Variants in C14orf39 observed in about 807,000 individuals in gnomAD.
The protein encoded by C14orf39 is protein SIX6OS1.
C14orf39 carries 66 observed loss-of-function variants against 85.6 expected under a neutral mutation model. The observed-to-expected ratio is 0.77, with a 90% CI of 0.63 to 0.95. C14orf39 has a LOEUF of 0.95. C14orf39 is among the 40% of genes least tolerant of loss of function. The pLI is 0.00. For missense variants in C14orf39, 735 were observed against 663.9 expected, an observed-to-expected ratio of 1.11 and a Z score of -1.18; for synonymous variants, 242 against 214.0, an observed-to-expected ratio of 1.13 and a Z score of -1.14.
rs376679301 is a variant in C14orf39, at chr14:60,483,167, TATG to T, written c.233+521_233+523del. Among the ~76,000 whole-genome samples, 437 of 152,268 alleles carry T rather than the reference TATG, an allele frequency of 2.9e-3. 1 individual carries two copies. The highest frequency in any genetic ancestry group is 0.01 in the African/African-American group (420 of 41,554). On this transcript the variant is annotated intron_variant, in intron 4 of 17. Coordinates refer to ENST00000321731, the MANE Select transcript of C14orf39 (RefSeq NM_174978.3). Reference sequence around the variant, plus strand: ...GAATAACAAAATATTTCAAAACAAATATGATCCTAAAATACAGTACTTACTACA... The same window carrying T: ...GAATAACAAAATATTTCAAAACAAATATCCTAAAATACAGTACTTACTACA...
intron 7 of C14orf39, among the ~76,000 whole-genome samples, chr14:60,470,322 A>G (rs1372748166): frequency 6.6e-6 from 1 of 151,932 alleles, no homozygotes; most frequent in East Asian, 1.9e-4. Flanking sequence ...TGAAAATGAT[A>G]GAATAGTGAC....
chr14:60,513,715 A>G (rs187655228), intron 1 of C14orf39, among the ~76,000 whole-genome samples: 111 of 152,356 alleles, frequency 7.3e-4, no homozygotes, highest in African/African-American at 2.2e-3. Flanking sequence ...CCACCCCTTC[A>G]AATGATACCT....
chr14:60,443,307 A>G (rs1285685109), intron 16 of C14orf39, among the ~76,000 whole-genome samples: 1 of 152,186 alleles, frequency 6.6e-6, no homozygotes, highest in Non-Finnish European at 1.5e-5. Context: ...GAAAAACAGT[A>G]CACTCCCGCC....
chr14:60,469,600 G>A lies in C14orf39; in HGVS notation c.608C>T (p.Thr203Ile). The A allele has an allele frequency of 6.6e-7, 1 of 1,515,298 alleles. No individual in the cohort carries two copies. The highest frequency in any genetic ancestry group is 1.3e-5 in the South Asian group (1 of 74,276). 93.9% of individuals were successfully genotyped at this position (1,515,298 alleles called of 1,614,324 possible). A position where few individuals can be genotyped will look rare whatever the true frequency, so the allele number is the denominator to read the frequency against. ...QDILKHASNLTKSSSELKKEV... is the reference protein window; with the variant it reads ...QDILKHASNLIKSSSELKKEV... ...TTTCTTCAATTCGGATGAACTTTTG[G>A]TAAGATTGCTGGCATGTTTAAGAAT... Residue 203 changes from threonine to isoleucine, a missense_variant, in exon 8 of 18, where the codon ACC becomes ATC. Physicochemically the swap from Thr to Ile is moderately conservative, Grantham distance 89 (BLOSUM62 -1). Transcript: ENST00000321731.
intron 5 of C14orf39, among the ~76,000 whole-genome samples, chr14:60,477,803 T>C (rs1166978482): frequency 6.6e-6 from 1 of 152,058 alleles, no homozygotes; most frequent in Non-Finnish European, 1.5e-5. Flanking sequence ...TCTAAATATA[T>C]CTAGGATTAG....
chr14:60,492,965 C>T (rs897814036), intron 2 of C14orf39, among the ~76,000 whole-genome samples: 9 of 151,986 alleles, frequency 5.9e-5, no homozygotes, highest in Non-Finnish European at 1.3e-4. Context: ...AGAAAACATG[C>T]CTTTCCATGA....
In C14orf39 at chr14:60,467,002, A is replaced by G. The variant is rs760001433; in HGVS notation, c.810T>C (p.Thr270=). The change falls in exon 10 of 18, where the codon ACT becomes ACC. Residue 270 remains threonine (T), a synonymous_variant. Coordinates refer to ENST00000321731, the MANE Select transcript of C14orf39 (RefSeq NM_174978.3). Reference sequence around the variant, plus strand: ...AAGGAAGAAATAATTGACTGCTTTGAGTTTTATTCAATGTAAGTACATGCT... The same window carrying G: ...AAGGAAGAAATAATTGACTGCTTTGGGTTTTATTCAATGTAAGTACATGCT... ...KDEHVLTLNK[T]QSSQLFLPYE... The G allele has an allele frequency of 6.9e-7, 1 of 1,456,592 alleles. No individual in the cohort carries two copies. Among genetic ancestry groups the G allele is most frequent in the East Asian group, 2.6e-5 (1 of 38,830 alleles). The allele number at this position is 1,456,592 out of a possible 1,614,324, so 90.2% of individuals were successfully genotyped here. A position where few individuals can be genotyped will look rare whatever the true frequency, so the allele number is the denominator to read the frequency against.
intron 2 of C14orf39, among the ~76,000 whole-genome samples, chr14:60,492,923 A>AT (rs900243816): frequency 7.9e-5 from 12 of 152,128 alleles, no homozygotes; most frequent in Non-Finnish European, 1.2e-4. Flanking sequence ...CACTAACGAA[A>AT]TTTTTTTTAA....
At chr14:60,478,035 C>T (rs764033798) in intron 5 of C14orf39, among the ~76,000 whole-genome samples, 1 of 151,760 alleles carries the variant, frequency 6.6e-6, no homozygotes, top group African/African-American at 2.4e-5. Context: ...CAAAATTAGC[C>T]GGGTGCGGTG....
chr14:60,465,008 T>C (rs1891718763), intron 11 of C14orf39, among the ~76,000 whole-genome samples: 1 of 152,136 alleles, frequency 6.6e-6, no homozygotes, highest in South Asian at 2.1e-4. Context: ...CTTCTGGTGG[T>C]TACCCTTAAA....
intron 13 of C14orf39, among the ~76,000 whole-genome samples, chr14:60,460,227 A>G (rs1037924201): frequency 2.0e-5 from 3 of 151,870 alleles, no homozygotes; most frequent in African/African-American, 7.2e-5. Flanking sequence ...AACAGCACGT[A>G]GGGCTATGTG....
At chr14:60,441,330 T>C (rs888111008) in intron 17 of C14orf39, among the ~76,000 whole-genome samples, 5 of 152,190 alleles carry the variant, frequency 3.3e-5, no homozygotes, top group African/African-American at 1.2e-4. Flanking sequence ...CAGCCTGACA[T>C]GTTCCTTGGG....
In C14orf39 at chr14:60,464,040, CA is replaced by C. The variant is rs1351339367; in HGVS notation, c.972+1938del. On this transcript the variant is annotated intron_variant, in intron 11 of 17. Coordinates refer to ENST00000321731, the MANE Select transcript of C14orf39 (RefSeq NM_174978.3). ...AACCTCTCCTGCAGATAGAGGTACC[CA>C]AATGACCAAGTTCTGGCCAATGAAA... Among the ~76,000 whole-genome samples the C allele has an allele frequency of 5.9e-5, 9 of 152,218 alleles. No homozygotes were observed. In the East Asian group the frequency reaches 1.7e-3, roughly 29 times the overall value.
intron 16 of C14orf39, among the ~76,000 whole-genome samples, chr14:60,444,574 T>C (rs747735545): frequency 1.3e-5 from 2 of 152,198 alleles, no homozygotes; most frequent in African/African-American, 4.8e-5. Flanking sequence ...ATACGTTTGA[T>C]TGGTGTACCT....
rs757433813 is a variant in C14orf39, at chr14:60,468,475, T to C, written c.737A>G (p.Asn246Ser). 2.5e-6 allele frequency: 4 copies of C among 1,597,702 alleles called. No homozygotes were observed. In the East Asian group the frequency reaches 9.1e-5, roughly 36 times the overall value. Residue 246 changes from asparagine (N) to serine (S), a missense_variant, in exon 9 of 18, where the codon AAT becomes AGT. Coordinates refer to ENST00000321731, the MANE Select transcript of C14orf39 (RefSeq NM_174978.3). Reference protein sequence around the residue: ...LSETLEEKNKNTENRKELKER... With the variant: ...LSETLEEKNKSTENRKELKER... ...TTTCAGTTCTTTTCTGTTTTCTGTA[T>C]TTTTGTTCTTTTCTTCCAGAGTTTC...
intron 16 of C14orf39, 51 bp from the exon 17 acceptor site, chr14:60,442,182 T>C: frequency 8.7e-7 from 1 of 1,147,818 alleles, no homozygotes. Flanking sequence ...TAGGACAGTA[T>C]ATATAGTACA....
intron 2 of C14orf39, chr14:60,499,223 T>A (rs553488003): frequency 4.7e-5 from 7 of 149,782 alleles, no homozygotes; most frequent in Non-Finnish European, 1.0e-4. Context: ...ACCATTCCAC[T>A]CCAGCCTGGC....
intron 1 of C14orf39, chr14:60,509,350 C>T (rs747432869): frequency 1.3e-6 from 2 of 1,513,432 alleles, no homozygotes; most frequent in Non-Finnish European, 9.1e-7. Context: ...GCATCTGCTG[C>T]GTGTCCCGCT....
In C14orf39 at chr14:60,471,397, A is replaced by G. The variant is rs369178287; in HGVS notation, c.554+20T>C. ...TGCTTATCTAATAAAAATTATAAGT[A>G]CAAATACTATTGTGGATACATGTTT... On this transcript the variant is annotated intron_variant, in intron 7 of 17. Coordinates refer to ENST00000321731, the MANE Select transcript of C14orf39 (RefSeq NM_174978.3). The G allele has an allele frequency of 4.8e-5, 74 of 1,538,470 alleles. No homozygotes were observed. The African/African-American group carries it at 1.0e-3, about 21-fold the overall frequency.
Sources: gnomAD v4.1 joint callset for allele counts (sites outside exome capture counted in the v4.1 genomes callset) on GRCh38, gnomAD v4.1.1 for gene constraint, MANE v1.5 for transcripts, NCBI Gene and HGNC (gene_info 2026-07-23, HGNC 2026-07-21) for gene names.